Variants in TRPC4 observed in about 807,000 individuals in gnomAD.
TRPC4 encodes transient receptor potential cation channel subfamily C member 4.
Under a neutral mutation model 99.4 loss-of-function variants are expected in TRPC4, and 49 were observed. The observed-to-expected ratio is 0.49, with a 90% CI of 0.39 to 0.63. The LOEUF (loss-of-function observed/expected upper bound fraction) is 0.63, where lower values mean the gene tolerates loss of function less well. Ranked by LOEUF, TRPC4 falls within the 20% of genes least tolerant of loss-of-function variation. The pLI, the probability that TRPC4 is intolerant of heterozygous loss-of-function variation, is 0.00. For synonymous variants in TRPC4, 454 were observed against 425.9 expected (o/e 1.07, Z -0.81); for missense variants, 898 against 1,152.9 (o/e 0.78, Z 3.20).
At chr13:37,765,089 A>G (rs149813655) in intron 2 of TRPC4, among the ~76,000 whole-genome samples, 2,673 of 151,468 alleles carry the variant, frequency 0.018, 83 homozygotes, top group African/African-American at 0.062. Context: ...TGTCTTAAAT[A>G]TGTTAATATT....
chr13:37,822,745 CTT>C (rs533179508), intron 1 of TRPC4, among the ~76,000 whole-genome samples: 1 of 152,086 alleles, frequency 6.6e-6, no homozygotes, highest in Admixed American at 6.5e-5. Flanking sequence ...GTGCATGTGT[CTT>C]TATAGCAGCA....
At chr13:37,829,977 G>A (rs575816730) in intron 1 of TRPC4, among the ~76,000 whole-genome samples, 8 of 152,280 alleles carry the variant, frequency 5.3e-5, no homozygotes, top group African/African-American at 1.9e-4. Flanking sequence ...ATTGCCAGGG[G>A]TTGGATGGGG....
chr13:37,715,431 A>G (rs1474635316), intron 3 of TRPC4, among the ~76,000 whole-genome samples: 1 of 152,256 alleles, frequency 6.6e-6, no homozygotes, highest in Non-Finnish European at 1.5e-5. Flanking sequence ...CAGAGCCAGA[A>G]AGATCTGTCT....
Position 37,794,441 on chromosome 13 carries a change from T to G in TRPC4, c.-27-11081A>C, listed in dbSNP as rs74047179. On this transcript the variant is annotated intron_variant, in intron 1 of 10. Coordinates refer to ENST00000379705, the MANE Select transcript of TRPC4 (RefSeq NM_016179.4). ...TGCTTCTCAACAAAAGGTGAACTTT[T>G]AATAGTATAATACTTATCCAAAGAT... is the stretch of plus-strand genomic sequence containing the variant. Among the ~76,000 whole-genome samples the G allele has an allele frequency of 5.8e-3, 890 of 152,212 alleles. 7 individuals are homozygous for G. Among genetic ancestry groups the G allele is most frequent in the African/African-American group, 0.02 (847 of 41,556 alleles).
intron 2 of TRPC4, among the ~76,000 whole-genome samples, chr13:37,760,820 T>A (rs1424732256): frequency 1.3e-5 from 2 of 151,950 alleles, no homozygotes; most frequent in African/African-American, 4.8e-5. Context: ...CAATTAGACA[T>A]CCTGCTTTAG....
intron 3 of TRPC4, among the ~76,000 whole-genome samples, chr13:37,741,703 G>A (rs1039742734): frequency 6.6e-6 from 1 of 152,128 alleles, no homozygotes; most frequent in Admixed American, 6.5e-5. Context: ...CTTTCATTAC[G>A]GGCGAGCTGA....
intron 3 of TRPC4, among the ~76,000 whole-genome samples, chr13:37,703,111 G>T (rs1010335451): frequency 6.6e-6 from 1 of 152,146 alleles, no homozygotes; most frequent in African/African-American, 2.4e-5. Flanking sequence ...TCTGAAAGGT[G>T]GTAGTTGTAT....
intron 1 of TRPC4, among the ~76,000 whole-genome samples, chr13:37,811,717 G>A (rs1191889746): frequency 6.6e-6 from 1 of 152,140 alleles, no homozygotes; most frequent in African/African-American, 2.4e-5. Flanking sequence ...CACATACACA[G>A]GGTCAGGGAC....
intron 2 of TRPC4, among the ~76,000 whole-genome samples, chr13:37,756,368 G>A (rs1431951163): frequency 6.6e-6 from 1 of 152,028 alleles, no homozygotes; most frequent in Non-Finnish European, 1.5e-5. Flanking sequence ...AGACTAAACA[G>A]AATTCAAATT....
intron 1 of TRPC4, among the ~76,000 whole-genome samples, chr13:37,842,349 A>T (rs1388112939): frequency 7.2e-6 from 1 of 139,342 alleles, no homozygotes; most frequent in Non-Finnish European, 1.5e-5. Context: ...TAGCCAAAAA[A>T]AAAAAAAAAA....
At chr13:37,665,957 G>GA (rs143560719) in intron 5 of TRPC4, among the ~76,000 whole-genome samples, 18,697 of 151,870 alleles carry the variant, frequency 0.12, 1,473 homozygotes, top group Middle Eastern at 0.24. Context: ...TCATGGCCAG[G>GA]AAAAAATGCT....
rs550499865 is a variant in TRPC4 at position 37,868,168 on chromosome 13, C to T, written c.-28+1427G>A. 2.0e-5 allele frequency among the ~76,000 whole-genome samples: 3 copies of T among 151,288 alleles called. 1 individual carries two copies. The East Asian group carries it at 5.8e-4, about 29-fold the overall frequency. On this transcript the variant is annotated intron_variant, in intron 1 of 10. Transcript: ENST00000379705. ...TATCTTGACCTTTTGGAAATAAGTG[C>T]AACAGAAAAATAAATAATATAACCA...
At chr13:37,792,881 T>C (rs910404088) in intron 1 of TRPC4, among the ~76,000 whole-genome samples, 6 of 152,168 alleles carry the variant, frequency 3.9e-5, no homozygotes, top group African/African-American at 1.4e-4. Context: ...TAGGAGATTA[T>C]TGCAAATGTA....
chr13:37,841,736 C>CT (rs1371783314), intron 1 of TRPC4, among the ~76,000 whole-genome samples: 4 of 151,954 alleles, frequency 2.6e-5, no homozygotes, highest in Non-Finnish European at 5.9e-5. Flanking sequence ...ATAGTAATGA[C>CT]ACTAAATGCT....
At chr13:37,789,099 C>G (rs939067841) in intron 1 of TRPC4, among the ~76,000 whole-genome samples, 2 of 152,114 alleles carry the variant, frequency 1.3e-5, no homozygotes, top group African/African-American at 4.8e-5. Context: ...CTCATCAAAT[C>G]ACTTTCTTAC....
intron 4 of TRPC4, among the ~76,000 whole-genome samples, chr13:37,674,600 A>G (rs960417666): frequency 2.6e-5 from 4 of 152,200 alleles, no homozygotes; most frequent in Non-Finnish European, 4.4e-5. Flanking sequence ...TCTTTTATCC[A>G]TTCGATAAAT....
At chr13:37,770,018 C>A (rs553993497) in intron 2 of TRPC4, among the ~76,000 whole-genome samples, 3 of 151,414 alleles carry the variant, frequency 2.0e-5, no homozygotes, top group Non-Finnish European at 3.0e-5. Flanking sequence ...GGATTTGAAT[C>A]CATATTTTTC....
At chr13:37,673,138 C>T (rs1236812242) in intron 5 of TRPC4, among the ~76,000 whole-genome samples, 3 of 137,510 alleles carry the variant, frequency 2.2e-5, no homozygotes, top group African/African-American at 8.0e-5. Flanking sequence ...ATGTTCCCCA[C>T]CCTGTGTCCA....
chr13:37,704,000 AT>A (rs1277863960), intron 3 of TRPC4, among the ~76,000 whole-genome samples: 1 of 152,226 alleles, frequency 6.6e-6, no homozygotes, highest in Non-Finnish European at 1.5e-5. Context: ...AATATGGTAT[AT>A]TCATATAATG....
Sources: allele counts gnomAD v4.1 joint callset (sites outside exome capture counted in the v4.1 genomes callset), GRCh38; gene constraint gnomAD v4.1.1; transcripts MANE v1.5; gene names NCBI Gene and HGNC (gene_info 2026-07-23, HGNC 2026-07-21).